The following THADA variants were observed in gnomAD, a reference collection of about 807,000 sequenced individuals.
THADA encodes THADA armadillo repeat containing, also known as tRNA (32-2'-O)-methyltransferase regulator THADA.
A neutral mutation model predicts 219.8 loss-of-function variants in THADA; 213 were observed. The observed-to-expected ratio is 0.97, with a 90% CI of 0.87 to 1.09. The LOEUF is 1.09. Among genes scored for constraint, THADA ranks in the 50% least tolerant of loss-of-function variants. The pLI is 0.00. For synonymous variants in THADA, 1,018 were observed against 828.9 expected (o/e 1.23, Z -3.92); for missense variants, 2,956 against 2,311.3 (o/e 1.28, Z -5.72).
intron 26 of THADA, among the ~76,000 whole-genome samples, chr2:43,470,542 A>C (rs1684790189): frequency 6.6e-6 from 1 of 152,166 alleles, no homozygotes; most frequent in Non-Finnish European, 1.5e-5. Flanking sequence ...TAAGCGAAAA[A>C]GGGAGGATAC....
At chr2:43,286,763 T>G (rs1281139878) in intron 35 of THADA, 145 bp downstream of exon 35, 2 of 911,122 alleles carry the variant, frequency 2.2e-6, no homozygotes, top group Non-Finnish European at 3.2e-6. Flanking sequence ...GATTAGAGCA[T>G]GAACTAAGAC....
At chr2:43,591,299 T>C (rs567469445) in intron 3 of THADA, among the ~76,000 whole-genome samples, 68 of 152,246 alleles carry the variant, frequency 4.5e-4, no homozygotes, top group Non-Finnish European at 8.2e-4. Context: ...CACTCCAGCC[T>C]GGGTAAGAGA....
At chr2:43,348,619 G>C (rs1283512136) in intron 29 of THADA, among the ~76,000 whole-genome samples, 1 of 151,918 alleles carries the variant, frequency 6.6e-6, no homozygotes, top group African/African-American at 2.4e-5. Context: ...GGATACATCT[G>C]AGAGAGCTTC....
intron 22 of THADA, among the ~76,000 whole-genome samples, chr2:43,517,672 T>G (rs1691897760): frequency 1.3e-5 from 2 of 152,126 alleles, no homozygotes; most frequent in Non-Finnish European, 2.9e-5. Flanking sequence ...TCCATGCAAC[T>G]CTATCAAACG....
chr2:43,528,245 C>T (rs1225614327), intron 21 of THADA, among the ~76,000 whole-genome samples: 2 of 151,248 alleles, frequency 1.3e-5, no homozygotes, highest in African/African-American at 4.9e-5. Flanking sequence ...ATTCTCCTGC[C>T]TCAGCCTCCC....
intron 36 of THADA, among the ~76,000 whole-genome samples, chr2:43,246,963 C>T (rs982613118): frequency 4.6e-5 from 7 of 152,186 alleles, no homozygotes; most frequent in African/African-American, 1.7e-4. Context: ...GAAGGGAGAA[C>T]AATTCAGAGT....
intron 31 of THADA, among the ~76,000 whole-genome samples, chr2:43,315,507 G>A (rs947999748): frequency 6.6e-6 from 1 of 151,554 alleles, no homozygotes; most frequent in African/African-American, 2.4e-5. Flanking sequence ...CTGTCACCCA[G>A]GTTGGACTGC....
intron 36 of THADA, among the ~76,000 whole-genome samples, chr2:43,256,781 G>A (rs939142571): frequency 5.9e-5 from 9 of 151,838 alleles, no homozygotes; most frequent in East Asian, 3.9e-4. Flanking sequence ...ATCTCACTAC[G>A]TTGCCTAGGC....
intron 26 of THADA, among the ~76,000 whole-genome samples, chr2:43,469,093 A>G (rs1684607604): frequency 6.6e-6 from 1 of 152,156 alleles, no homozygotes; most frequent in East Asian, 1.9e-4. Context: ...GTCAGGGAAA[A>G]TTTCCAAGAG....
rs753067460 is a variant in THADA at position 43,572,949 on chromosome 2, C to G, written c.1773G>C (p.Arg591Ser). 2.0e-5 allele frequency: 32 copies of G among 1,613,802 alleles called. No homozygotes were observed. Among genetic ancestry groups the G allele is most frequent in the Admixed American group, 1.5e-4 (9 of 59,984 alleles). ...SFPSLGSCNS[R>S]GALGALMACL... ...ATGCCATCAAAGCTCCCAGAGCCCC[C>G]CTGCTATTACAAGACCCTAAGGATG... is the stretch of plus-strand genomic sequence containing the variant. The change falls in exon 12 of 38, where the codon AGG (arginine) becomes AGC (serine). Residue 591 changes from arginine to serine, a missense_variant. Physicochemically the swap from Arg to Ser is moderately radical, Grantham distance 110 (BLOSUM62 -1). Coordinates refer to ENST00000405975, the MANE Select transcript of THADA (RefSeq NM_022065.5).
intron 26 of THADA, among the ~76,000 whole-genome samples, chr2:43,473,460 G>A (rs1391038446): frequency 6.6e-6 from 1 of 151,920 alleles, no homozygotes; most frequent in African/African-American, 2.4e-5. Flanking sequence ...ACCCCCGAAG[G>A]ACCCGCCCGA....
At chr2:43,446,319 G>A (rs750414347) in intron 26 of THADA, among the ~76,000 whole-genome samples, 4 of 152,158 alleles carry the variant, frequency 2.6e-5, no homozygotes, top group East Asian at 1.9e-4. Context: ...TCTATTTCCC[G>A]TTTCCTTGAC....
At chr2:43,240,536 C>A (rs114050781) in intron 36 of THADA, among the ~76,000 whole-genome samples, 2,993 of 152,292 alleles carry the variant, frequency 0.02, 95 homozygotes, top group African/African-American at 0.067. Context: ...CCCTCTACTC[C>A]GAGACTAGCC....
chr2:43,574,895 C>G lies in THADA; in HGVS notation c.1170G>C (p.Gly390=), dbSNP rs376994160. ...GGGTATAGACATATTCCAAAAGTCT[C>G]CCAACTATACTTGAATTCCCATTCA... ...DSLNGNSSIV[G]RLLEYVYTHW... Residue 390 remains glycine, a synonymous_variant, in exon 11 of 38, where the codon GGG becomes GGC. Coordinates refer to ENST00000405975, the MANE Select transcript of THADA (RefSeq NM_022065.5). 5.6e-6 allele frequency: 9 copies of G among 1,613,858 alleles called. No individual in the cohort carries two copies. In the African/African-American group the frequency reaches 9.3e-5, roughly 17 times the overall value.
intron 36 of THADA, among the ~76,000 whole-genome samples, chr2:43,238,327 A>G (rs13420451): frequency 0.049 from 7,406 of 152,088 alleles, 553 homozygotes; most frequent in African/African-American, 0.17. Flanking sequence ...GACTGTATCT[A>G]AACTACATAA....
chr2:43,386,360 G>A (rs1370914835), intron 29 of THADA, among the ~76,000 whole-genome samples: 1 of 151,492 alleles, frequency 6.6e-6, no homozygotes, highest in Non-Finnish European at 1.5e-5. Context: ...CCAAAACAGA[G>A]AGCCTTCATT....
chr2:43,306,178 T>C (rs1019807897), intron 31 of THADA, among the ~76,000 whole-genome samples: 8 of 152,046 alleles, frequency 5.3e-5, no homozygotes. Context: ...GCCTGGCTAA[T>C]TTTTTGTATT....
chr2:43,237,323 A>G (rs1668146581), intron 36 of THADA, among the ~76,000 whole-genome samples: 1 of 151,944 alleles, frequency 6.6e-6, no homozygotes, highest in South Asian at 2.1e-4. Context: ...TTGGACCCCT[A>G]CCTCACACAA....
At chr2:43,536,847 C>T (rs1424539297) in intron 21 of THADA, among the ~76,000 whole-genome samples, 4 of 152,168 alleles carry the variant, frequency 2.6e-5, no homozygotes, top group Non-Finnish European at 5.9e-5. Flanking sequence ...ACCTACTTCA[C>T]AGGATTATTG....
Sources: gnomAD v4.1 joint callset for allele counts (sites outside exome capture counted in the v4.1 genomes callset) on GRCh38, gnomAD v4.1.1 for gene constraint, MANE v1.5 for transcripts, NCBI Gene and HGNC (gene_info 2026-07-23, HGNC 2026-07-21) for gene names.